The following SLC4A4 variants were observed in gnomAD, a reference collection of about 807,000 sequenced individuals.
SLC4A4 encodes the protein electrogenic sodium bicarbonate cotransporter 1.
In SLC4A4, 27 loss-of-function variants were observed where a neutral mutation model predicts 111.5. The ratio of observed to expected loss-of-function variants is 0.24; its 90% CI spans 0.18 to 0.33. The LOEUF (loss-of-function observed/expected upper bound fraction) is 0.33, where lower values mean the gene tolerates loss of function less well. SLC4A4 is among the 10% of genes least tolerant of loss of function. SLC4A4 has a pLI of 1.00. For synonymous variants in SLC4A4, 443 were observed against 463.4 expected, an observed-to-expected ratio of 0.96 and a Z score of 0.57; for missense variants, 909 against 1,315.5, an observed-to-expected ratio of 0.69 and a Z score of 4.78.
chr4:71,341,355 A>G, intron 4 of SLC4A4, among the ~76,000 whole-genome samples: 1 of 152,210 alleles, frequency 6.6e-6, no homozygotes, highest in Non-Finnish European at 1.5e-5. Context: ...GCAAAGATAG[A>G]TGAAAGTCTT....
At chr4:71,495,312 G>T (rs1259046816) in intron 15 of SLC4A4, among the ~76,000 whole-genome samples, 2 of 152,090 alleles carry the variant, frequency 1.3e-5, no homozygotes, top group East Asian at 3.9e-4. Flanking sequence ...GAAGAATTCT[G>T]CTGGTATTAA....
intron 2 of SLC4A4, among the ~76,000 whole-genome samples, chr4:71,101,315 T>C (rs750098369): frequency 6.6e-6 from 1 of 152,104 alleles, no homozygotes; most frequent in Admixed American, 6.6e-5. Context: ...CTTAAAATCA[T>C]AAAAATGATC....
At chr4:71,438,716 T>C (rs1724393703) in intron 7 of SLC4A4, among the ~76,000 whole-genome samples, 1 of 152,064 alleles carries the variant, frequency 6.6e-6, no homozygotes, top group Non-Finnish European at 1.5e-5. Flanking sequence ...CAAAATCAAA[T>C]ATCTGCCTCT....
At chr4:71,468,138 G>T (rs1294736703) in intron 13 of SLC4A4, among the ~76,000 whole-genome samples, 9 of 152,094 alleles carry the variant, frequency 5.9e-5, no homozygotes, top group Admixed American at 6.6e-5. Flanking sequence ...TTTTCTGTAG[G>T]TAATTATTAT....
chr4:71,286,935 A>G (rs1268839597), intron 3 of SLC4A4, among the ~76,000 whole-genome samples: 2 of 151,408 alleles, frequency 1.3e-5, no homozygotes, highest in Non-Finnish European at 2.9e-5. Flanking sequence ...TTTTTTTTTA[A>G]CTTGGCTCTT....
At chr4:71,134,397 C>G (rs1743790158) in intron 2 of SLC4A4, among the ~76,000 whole-genome samples, 1 of 152,158 alleles carries the variant, frequency 6.6e-6, no homozygotes, top group African/African-American at 2.4e-5. Context: ...GTGGCCTTGG[C>G]CTTGGTGATA....
At chr4:71,346,467 T>G (rs1013746947) in intron 4 of SLC4A4, among the ~76,000 whole-genome samples, 2 of 151,874 alleles carry the variant, frequency 1.3e-5, no homozygotes, top group African/African-American at 4.8e-5. Flanking sequence ...ATGTAGTTAT[T>G]CATAGTTATT....
intron 2 of SLC4A4, among the ~76,000 whole-genome samples, chr4:71,095,237 A>T (rs1742508485): frequency 6.6e-6 from 1 of 152,174 alleles, no homozygotes; most frequent in African/African-American, 2.4e-5. Context: ...AAAACCCTAT[A>T]TCCTGGAAAA....
chr4:71,473,001 G>T (rs749707013), intron 14 of SLC4A4, 31 bp downstream of exon 14: 1 of 1,612,146 alleles, frequency 6.2e-7, no homozygotes, highest in Non-Finnish European at 8.5e-7. Context: ...GTTTATGCTC[G>T]CTTTGTATTT....
At chr4:71,440,469 A>C in intron 7 of SLC4A4, 147 bp from the exon 8 acceptor site, 2 of 807,450 alleles carry the variant, frequency 2.5e-6, no homozygotes, top group Admixed American at 1.9e-5. Context: ...GTGGCTAGCT[A>C]GAACATGTTG....
intron 15 of SLC4A4, among the ~76,000 whole-genome samples, chr4:71,487,583 A>G (rs1257959484): frequency 6.6e-6 from 1 of 151,616 alleles, no homozygotes; most frequent in Non-Finnish European, 1.5e-5. Context: ...ACACACTGGA[A>G]GGAGGCTTTT....
chr4:71,098,115 A>G (rs973735493), intron 2 of SLC4A4, among the ~76,000 whole-genome samples: 4 of 152,184 alleles, frequency 2.6e-5, no homozygotes, highest in African/African-American at 9.7e-5. Flanking sequence ...TATGTCCAGA[A>G]TGGTATTACC....
intron 14 of SLC4A4, among the ~76,000 whole-genome samples, chr4:71,484,166 G>A (rs1034658613): frequency 2.0e-5 from 3 of 151,386 alleles, no homozygotes; most frequent in Admixed American, 6.6e-5. Flanking sequence ...GTGCAGAAGC[G>A]CTTTAGTTTA....
At chr4:71,380,820 A>C (rs1578966054) in intron 6 of SLC4A4, among the ~76,000 whole-genome samples, 1 of 151,506 alleles carries the variant, frequency 6.6e-6, no homozygotes. Flanking sequence ...TGTTCTCTCT[A>C]CTCTCAGGTT....
chr4:71,094,222 CA>C (rs33951078), intron 2 of SLC4A4, among the ~76,000 whole-genome samples: 13,931 of 152,144 alleles, frequency 0.092, 784 homozygotes, highest in African/African-American at 0.16. Flanking sequence ...TATCTTTTGA[CA>C]ATATCAAGTT....
chr4:71,191,150 A>C (rs757183335), intron 1 of SLC4A4, among the ~76,000 whole-genome samples: 1 of 152,252 alleles, frequency 6.6e-6, no homozygotes, highest in Non-Finnish European at 1.5e-5. Flanking sequence ...AGGCTAAGCT[A>C]TGATGTTTGG....
intron 2 of SLC4A4, among the ~76,000 whole-genome samples, chr4:71,099,540 G>A (rs1327631653): frequency 6.6e-6 from 1 of 152,086 alleles, no homozygotes; most frequent in Non-Finnish European, 1.5e-5. Context: ...AATTAGAGAA[G>A]TAAGAGCAAA....
rs1356216566 is a variant in SLC4A4, at chr4:71,087,340, C to T, written c.-64-5390C>T. Among the ~76,000 whole-genome samples, 12 of 151,690 alleles carry T rather than the reference C, an allele frequency of 7.9e-5. No individual in the cohort carries two copies. The East Asian group carries it at 1.9e-3, about 24-fold the overall frequency. On this transcript the variant is annotated intron_variant, in intron 1 of 26. Transcript: ENST00000649996. ...CTAGCAGTCTATCAATTTTGTTGAT[C>T]TTTTCAAAAAACCAGCTCCTGGATT...
intron 16 of SLC4A4, among the ~76,000 whole-genome samples, chr4:71,504,697 T>G (rs866641916): frequency 2.9e-4 from 44 of 152,076 alleles, no homozygotes; most frequent in Middle Eastern, 3.4e-3. Context: ...TTTTCTTTTT[T>G]GCTTTTTTTG....
Sources: gnomAD v4.1 joint callset for allele counts (sites outside exome capture counted in the v4.1 genomes callset) on GRCh38, gnomAD v4.1.1 for gene constraint, MANE v1.5 for transcripts, NCBI Gene and HGNC (gene_info 2026-07-23, HGNC 2026-07-21) for gene names.